The following ROBO2 variants were observed in gnomAD, a reference collection of about 807,000 sequenced individuals.
ROBO2 encodes roundabout guidance receptor 2, also known as roundabout homolog 2.
A neutral mutation model predicts 160.8 loss-of-function variants in ROBO2; 53 were observed. The observed-to-expected ratio is 0.33, with a 90% CI of 0.26 to 0.41. The LOEUF is 0.41. Ranked by LOEUF, ROBO2 falls within the 10% of genes least tolerant of loss-of-function variation. ROBO2 has a pLI of 1.00. For synonymous variants in ROBO2, 664 were observed against 611.7 expected (o/e 1.09, Z -1.26); for missense variants, 1,577 against 1,722.4 (o/e 0.92, Z 1.49).
chr3:77,308,961 G>A (rs967469109), intron 2 of ROBO2, among the ~76,000 whole-genome samples: 1 of 151,876 alleles, frequency 6.6e-6, no homozygotes, highest in Admixed American at 6.6e-5. Flanking sequence ...ATATTTTCTC[G>A]ACCATAAATC....
rs1223443513 is a variant in ROBO2 at position 76,715,936 on chromosome 3, T to G, written c.110-382078T>G. Among the ~76,000 whole-genome samples the G allele has an allele frequency of 2.0e-5, 3 of 152,168 alleles. 1 individual carries two copies. Among genetic ancestry groups the G allele is most frequent in the Admixed American group, 2.0e-4 (3 of 15,282 alleles). The stretch of plus-strand genomic sequence containing the variant: ...AATGAATTTTTGTCATCTTGTGTCT[T>G]CAAAAGAGATTTTAGGTTGGCTTTG... On this transcript the variant is annotated intron_variant, in intron 2 of 26. Coordinates refer to the ROBO2 transcript ENST00000487694.
In ROBO2 at chr3:76,377,917, A is replaced by T. The variant is rs544118291; in HGVS notation, c.109+440315A>T. On this transcript the variant is annotated intron_variant, in intron 2 of 26. Coordinates refer to the ROBO2 transcript ENST00000487694. Reference sequence around the variant, plus strand: ...GTTTTCTAGGATTGAACTCAGTGGCATGTAATTTGGTTCCTGAACACTAAT... The same window carrying T: ...GTTTTCTAGGATTGAACTCAGTGGCTTGTAATTTGGTTCCTGAACACTAAT... Among the ~76,000 whole-genome samples, 4 of 152,236 alleles carry T rather than the reference A, an allele frequency of 2.6e-5. No individual in the cohort carries two copies. The South Asian group carries it at 8.3e-4, about 32-fold the overall frequency.
chr3:76,901,869 G>A (rs1352900665), intron 2 of ROBO2, among the ~76,000 whole-genome samples: 2 of 151,610 alleles, frequency 1.3e-5, no homozygotes, highest in East Asian at 1.9e-4. Context: ...ATTTAGTTTG[G>A]TTCAATCCTA....
At position 77,415,928 on chromosome 3, in the gene ROBO2, T is replaced by A. The variant is rs754574021; in HGVS notation, c.389-61486T>A. Among the ~76,000 whole-genome samples, 35 of 152,176 alleles carry A rather than the reference T, an allele frequency of 2.3e-4. 1 individual carries two copies. The highest frequency in any genetic ancestry group is 4.4e-4 in the Non-Finnish European group (30 of 68,022). On this transcript the variant is annotated intron_variant, in intron 2 of 25. Transcript: ENST00000461745. ...TTCCTGCAGCCCATAGCTCAGCAAATGGGGGCATGTTGTGCCCAGAGGCTT... is the reference window on the plus strand; with the variant it reads ...TTCCTGCAGCCCATAGCTCAGCAAAAGGGGGCATGTTGTGCCCAGAGGCTT...
At chr3:76,705,423 T>TA (rs1199127112) in intron 2 of ROBO2, among the ~76,000 whole-genome samples, 3 of 152,098 alleles carry the variant, frequency 2.0e-5, no homozygotes, top group Admixed American at 2.0e-4. Flanking sequence ...TGTGTGTCTT[T>TA]AAAATGACTT....
At chr3:76,574,142 T>C (rs930718934) in intron 2 of ROBO2, among the ~76,000 whole-genome samples, 2 of 152,122 alleles carry the variant, frequency 1.3e-5, no homozygotes, top group Non-Finnish European at 2.9e-5. Flanking sequence ...ACAATAAATA[T>C]CTGTTTATTA....
chr3:77,081,061 A>G (rs1275427316), intron 1 of ROBO2, among the ~76,000 whole-genome samples: 1 of 152,104 alleles, frequency 6.6e-6, no homozygotes, highest in Non-Finnish European at 1.5e-5. Flanking sequence ...ACTCACGTGC[A>G]TGTTTGTTGT....
intron 2 of ROBO2, among the ~76,000 whole-genome samples, chr3:76,952,733 T>G (rs1464437427): frequency 6.6e-6 from 1 of 152,024 alleles, no homozygotes; most frequent in Non-Finnish European, 1.5e-5. Context: ...AGTTATATTT[T>G]TAATACTAAA....
In ROBO2 at chr3:76,771,753, T is replaced by G. The variant is rs529432279; in HGVS notation, c.110-326261T>G. On this transcript the variant is annotated intron_variant, in intron 2 of 26. Coordinates refer to the ROBO2 transcript ENST00000487694. ...AATATTTTAAAATTTGCTTTTAGTT[T>G]AAAACTCTGGGGAAAATACTATAAA... 5.3e-5 allele frequency among the ~76,000 whole-genome samples: 8 copies of G among 151,354 alleles called. No individual in the cohort carries two copies. In the Admixed American group the frequency reaches 5.3e-4, roughly 10 times the overall value.
intron 2 of ROBO2, chr3:76,434,411 C>G (rs1221180769): frequency 6.4e-7 from 1 of 1,566,692 alleles, no homozygotes; most frequent in Non-Finnish European, 8.8e-7. Context: ...CGAAAGTATC[C>G]AGGCCCTGGG....
chr3:76,175,911 T>C (rs2073213039), intron 2 of ROBO2, among the ~76,000 whole-genome samples: 1 of 152,152 alleles, frequency 6.6e-6, no homozygotes, highest in Non-Finnish European at 1.5e-5. Flanking sequence ...TTTCCACCTT[T>C]TAGCAGAAAA....
At chr3:77,317,301 G>A (rs1250336075) in intron 2 of ROBO2, 3 of 751,080 alleles carry the variant, frequency 4.0e-6, no homozygotes, top group African/African-American at 1.7e-5. Flanking sequence ...GTTAGGTGAC[G>A]AGGATGAATG....
intron 2 of ROBO2, among the ~76,000 whole-genome samples, chr3:77,424,834 G>C (rs2078029228): frequency 6.6e-6 from 1 of 152,118 alleles, no homozygotes; most frequent in Admixed American, 6.5e-5. Context: ...TGTCAATGTA[G>C]TTTAGGGTTT....
At chr3:76,988,033 T>A (rs1021623257) in intron 2 of ROBO2, among the ~76,000 whole-genome samples, 1 of 152,192 alleles carries the variant, frequency 6.6e-6, no homozygotes, top group African/African-American at 2.4e-5. Context: ...GTATATAAGC[T>A]AACTTTATTT....
At chr3:77,276,308 T>C (rs2059824931) in intron 2 of ROBO2, among the ~76,000 whole-genome samples, 1 of 152,188 alleles carries the variant, frequency 6.6e-6, no homozygotes, top group South Asian at 2.1e-4. Flanking sequence ...AGGAGTCTTT[T>C]CAACAATTTT....
At chr3:76,444,127 G>A (rs1160614629) in intron 2 of ROBO2, among the ~76,000 whole-genome samples, 6 of 151,834 alleles carry the variant, frequency 4.0e-5, no homozygotes, top group East Asian at 3.9e-4. Flanking sequence ...CACCACGCCC[G>A]GCTAATTTTT....
chr3:76,369,755 T>C (rs1270981781), intron 2 of ROBO2, among the ~76,000 whole-genome samples: 1 of 152,088 alleles, frequency 6.6e-6, no homozygotes, highest in Non-Finnish European at 1.5e-5. Flanking sequence ...CCTGTTGATA[T>C]ACATACTAAA....
chr3:76,868,799 AT>A (rs1417053274), intron 2 of ROBO2, among the ~76,000 whole-genome samples: 2 of 152,004 alleles, frequency 1.3e-5, no homozygotes. Context: ...AAAAGCATGT[AT>A]CAGATAAATA....
intron 2 of ROBO2, among the ~76,000 whole-genome samples, chr3:77,033,550 C>T (rs2063452688): frequency 6.6e-6 from 1 of 151,982 alleles, no homozygotes; most frequent in Non-Finnish European, 1.5e-5. Flanking sequence ...CAACCTGGAC[C>T]TAAGCCAGTT....
Sources: allele counts gnomAD v4.1 joint callset (sites outside exome capture counted in the v4.1 genomes callset), GRCh38; gene constraint gnomAD v4.1.1; transcripts MANE v1.5; gene names NCBI Gene and HGNC (gene_info 2026-07-23, HGNC 2026-07-21).